Variants in KMT2C observed in about 807,000 individuals in gnomAD.
KMT2C encodes the protein lysine methyltransferase 2C.
Under a neutral mutation model 507.9 loss-of-function variants are expected in KMT2C, and 88 were observed. That is an observed-to-expected ratio of 0.17 (90% CI 0.15 to 0.21). The LOEUF (loss-of-function observed/expected upper bound fraction) is 0.21. KMT2C is among the 10% of genes least tolerant of loss of function. The pLI is 1.00. For synonymous variants in KMT2C, 2,049 were observed against 2,080.8 expected, an observed-to-expected ratio of 0.98 and a Z score of 0.42; for missense variants, 4,954 against 5,957.8, an observed-to-expected ratio of 0.83 and a Z score of 5.55.
Position 152,319,899 on chromosome 7 carries a change from G to A in KMT2C, c.390-4561C>T, listed in dbSNP as rs190682940. Among the ~76,000 whole-genome samples the A allele has an allele frequency of 8.5e-5, 13 of 152,138 alleles. No individual in the cohort carries two copies. The East Asian group carries it at 9.7e-4, about 11-fold the overall frequency. Reference sequence around the variant, plus strand: ...CCTGTCCACTGGACATGTGACCCACGTGACCTTACCTATCACTGGAGATGG... The same window carrying A: ...CCTGTCCACTGGACATGTGACCCACATGACCTTACCTATCACTGGAGATGG... On this transcript the variant is annotated intron_variant, in intron 3 of 58. Transcript: ENST00000262189.
intron 6 of KMT2C, among the ~76,000 whole-genome samples, chr7:152,276,747 C>A: frequency 6.7e-6 from 1 of 149,948 alleles, no homozygotes; most frequent in Non-Finnish European, 1.5e-5. Context: ...AAGTGAGAAC[C>A]AGTCTATAAA....
At chr7:152,246,409 T>C (rs1213424452) in intron 14 of KMT2C, among the ~76,000 whole-genome samples, 1 of 152,020 alleles carries the variant, frequency 6.6e-6, no homozygotes, top group Non-Finnish European at 1.5e-5. Context: ...ACATGGCTCA[T>C]ATAAGATGGA....
rs1194685045 is a variant in KMT2C, at chr7:152,160,627, TTATATATTTATATTTATA to T, written c.11460+1472_11460+1489del. On this transcript the variant is annotated intron_variant, in intron 43 of 58. Transcript: ENST00000262189. ...CTAAAAATTAATTATATATATATAT[TTATATATTTATATTTATA>T]TATATATTTATATATAGATGTATAT... 3.2e-3 allele frequency among the ~76,000 whole-genome samples: 459 copies of T among 145,534 alleles called. 3 individuals carry two copies. Among genetic ancestry groups the T allele is most frequent in the African/African-American group, 0.011 (433 of 40,510 alleles).
At chr7:152,362,247 G>C (rs905941287) in intron 1 of KMT2C, among the ~76,000 whole-genome samples, 8 of 152,204 alleles carry the variant, frequency 5.3e-5, no homozygotes, top group Non-Finnish European at 1.0e-4. Flanking sequence ...ATATCTGGGA[G>C]AAAAGCATTG....
At chr7:152,247,562 T>A (rs1213359374) in intron 14 of KMT2C, among the ~76,000 whole-genome samples, 1 of 152,310 alleles carries the variant, frequency 6.6e-6, no homozygotes, top group Non-Finnish European at 1.5e-5. Context: ...TTAGTTACTG[T>A]ATACCCAAAA....
intron 2 of KMT2C, among the ~76,000 whole-genome samples, chr7:152,340,935 C>T (rs1254458241): frequency 2.0e-5 from 3 of 152,118 alleles, no homozygotes; most frequent in Admixed American, 1.3e-4. Context: ...GTCAACTGTT[C>T]TCTAGGTGTT....
At chr7:152,320,576 C>T (rs2096764513) in intron 3 of KMT2C, among the ~76,000 whole-genome samples, 1 of 146,604 alleles carries the variant, frequency 6.8e-6, no homozygotes, top group Admixed American at 6.6e-5. Flanking sequence ...ATAGGAGAAA[C>T]TCAACCTGAG....
Position 152,167,163 on chromosome 7 carries a change from G to T in KMT2C, c.9733C>A (p.Gln3245Lys). 6.2e-7 allele frequency: 1 copy of T among 1,613,868 alleles called. No individual in the cohort carries two copies. Among genetic ancestry groups the T allele is most frequent in the South Asian group, 1.1e-5 (1 of 91,056 alleles). The change falls in exon 42 of 59, where the codon CAG becomes AAG. Residue 3245 changes from glutamine to lysine, a missense_variant. Gln to Lys is a moderately conservative substitution (Grantham distance 53). Coordinates refer to ENST00000262189, the MANE Select transcript of KMT2C (RefSeq NM_170606.3). Reference sequence around the variant, plus strand: ...TTTATTACCTGTTCTAGCTGTTTCTGAACCATGCTTTGCTGTTCAGTAACA... The same window carrying T: ...TTTATTACCTGTTCTAGCTGTTTCTTAACCATGCTTTGCTGTTCAGTAACA... ...KHVTEQQSMV[Q>K]KQLEQIRKQQ... is the part of the protein sequence containing the mutation.
chr7:152,183,720 C>CA (rs1325501857), intron 34 of KMT2C, among the ~76,000 whole-genome samples: 1 of 151,986 alleles, frequency 6.6e-6, no homozygotes, highest in Non-Finnish European at 1.5e-5. Flanking sequence ...AACATGGAGA[C>CA]ACCCCATCTC....
chr7:152,339,438 C>T (rs896954583), intron 2 of KMT2C, among the ~76,000 whole-genome samples: 4 of 152,114 alleles, frequency 2.6e-5, no homozygotes, highest in African/African-American at 9.7e-5. Context: ...ATCACTACTT[C>T]AAAATTACAG....
intron 31 of KMT2C, 128 bp from the exon 32 acceptor site, chr7:152,187,975 G>T: frequency 1.2e-6 from 1 of 861,522 alleles, no homozygotes; most frequent in Non-Finnish European, 1.8e-6. Flanking sequence ...TTTTTCAACT[G>T]AATGTGGATA....
chr7:152,191,882 A>G (rs1012467994), intron 31 of KMT2C, among the ~76,000 whole-genome samples: 1 of 152,210 alleles, frequency 6.6e-6, no homozygotes, highest in Non-Finnish European at 1.5e-5. Flanking sequence ...AAACAAGAAC[A>G]ATGAAATCTT....
intron 48 of KMT2C, 93 bp downstream of exon 48, chr7:152,153,917 T>A (rs1781331518): frequency 8.0e-7 from 1 of 1,253,610 alleles, no homozygotes; most frequent in Admixed American, 1.9e-5. Context: ...TCCTCAGTGA[T>A]CCTGTTTGTG....
intron 26 of KMT2C, among the ~76,000 whole-genome samples, chr7:152,201,368 G>A (rs1049009092): frequency 9.3e-5 from 14 of 150,652 alleles, no homozygotes; most frequent in African/African-American, 2.2e-4. Flanking sequence ...GGAACAAGAC[G>A]GCCCAGGAGA....
chr7:152,165,967 C>T lies in KMT2C; in HGVS notation c.9750+1179G>A, dbSNP rs546529677. On this transcript the variant is annotated intron_variant, in intron 42 of 58. Coordinates refer to ENST00000262189, the MANE Select transcript of KMT2C (RefSeq NM_170606.3). ...CTTCCCAAAGTGCTGGGATTACAGG[C>T]GTGAGCCACCGTGCCTGGCCACGTG... Among the ~76,000 whole-genome samples the T allele has an allele frequency of 3.3e-5, 5 of 152,178 alleles. No homozygotes were observed. In the South Asian group the frequency reaches 8.3e-4, roughly 25 times the overall value.
At chr7:152,285,560 T>G (rs1311710733) in intron 6 of KMT2C, among the ~76,000 whole-genome samples, 1 of 152,244 alleles carries the variant, frequency 6.6e-6, no homozygotes, top group Non-Finnish European at 1.5e-5. Flanking sequence ...TCCTAAAATG[T>G]CTCAAATCTG....
intron 6 of KMT2C, among the ~76,000 whole-genome samples, chr7:152,298,413 T>C (rs1305947648): frequency 1.3e-5 from 2 of 152,184 alleles, no homozygotes; most frequent in South Asian, 2.1e-4. Flanking sequence ...TAAAAAGACA[T>C]GTTACCTATA....
chr7:152,290,258 G>GTGTATATATATATATATA (rs1337492088), intron 6 of KMT2C, among the ~76,000 whole-genome samples: 1 of 26,242 alleles, frequency 3.8e-5, no homozygotes, highest in Non-Finnish European at 6.7e-5. Flanking sequence ...GTGTGTATGT[G>GTGTATATATATATATATA]TATATATATA....
chr7:152,240,796 T>TG (rs2095368510), intron 14 of KMT2C, among the ~76,000 whole-genome samples: 1 of 152,186 alleles, frequency 6.6e-6, no homozygotes, highest in Non-Finnish European at 1.5e-5. Flanking sequence ...CCAATCCTTC[T>TG]ACTTCTTGTC....
Sources: allele counts gnomAD v4.1 joint callset (sites outside exome capture counted in the v4.1 genomes callset), GRCh38; gene constraint gnomAD v4.1.1; transcripts MANE v1.5; gene names NCBI Gene and HGNC (gene_info 2026-07-23, HGNC 2026-07-21).